The following CASD1 variants were observed in gnomAD, a reference collection of about 807,000 sequenced individuals.
CASD1 encodes the protein N-acetylneuraminate (7)9-O-acetyltransferase.
In CASD1, 41 loss-of-function variants were observed where a neutral mutation model predicts 100.0. That is an observed-to-expected ratio of 0.41 (90% confidence interval 0.32 to 0.53). CASD1 has a LOEUF of 0.53. CASD1 is among the 20% of genes least tolerant of loss of function. CASD1 has a pLI of 0.25. For missense variants in CASD1, 774 were observed against 948.7 expected (o/e 0.82, Z 2.42); for synonymous variants, 321 against 315.6 (o/e 1.02, Z -0.18).
chr7:94,614,106 TCA>T, the CASD1 span, among the ~76,000 whole-genome samples: 94 of 55,134 alleles, frequency 1.7e-3, 1 homozygote, highest in African/African-American at 2.3e-3. Flanking sequence ...CAAATTGAAA[TCA>T]AAAAAAAAAA....
the CASD1 span, chr7:94,598,535 C>T: frequency 6.3e-6 from 3 of 472,610 alleles, no homozygotes; most frequent in Non-Finnish European, 1.1e-5. Flanking sequence ...GTGTCAATTT[C>T]TTAAATATTA....
chr7:94,555,802 G>A lies in CASD1; in HGVS notation c.*44G>A. On this transcript the variant is annotated 3_prime_UTR_variant, in exon 18 of 18. Transcript: ENST00000297273. ...AACCTAAACTCTTCAGGCTACCTTT[G>A]TGTGTCTCTAGAAGAGAAAAGCATC... is the stretch of plus-strand genomic sequence containing the variant. 3 of 1,562,862 alleles carry A rather than the reference G, an allele frequency of 1.9e-6. No homozygotes were observed. The highest frequency in any genetic ancestry group is 1.4e-5 in the African/African-American group (1 of 73,162).
chr7:94,550,798 G>C (rs952997071), intron 14 of CASD1, among the ~76,000 whole-genome samples: 2 of 152,066 alleles, frequency 1.3e-5, no homozygotes, highest in Admixed American at 6.6e-5. Flanking sequence ...TTACGATTTT[G>C]AGTGGAAGGA....
the CASD1 span, among the ~76,000 whole-genome samples, chr7:94,581,578 G>A: frequency 6.6e-6 from 1 of 151,906 alleles, no homozygotes; most frequent in African/African-American, 2.4e-5. Context: ...CCCCCCATGT[G>A]TCCGTGTGTT....
chr7:94,518,094 A>G, intron 2 of CASD1, 109 bp from the exon 3 acceptor site: 1 of 1,067,878 alleles, frequency 9.4e-7, no homozygotes, highest in East Asian at 2.6e-5. Context: ...AAAGCAATAT[A>G]ATGGTATGTG....
the CASD1 span, among the ~76,000 whole-genome samples, chr7:94,613,292 T>C: frequency 6.6e-6 from 1 of 152,238 alleles, no homozygotes; most frequent in African/African-American, 2.4e-5. Flanking sequence ...ATAATAACTA[T>C]GCTACACATG....
At chr7:94,596,150 T>G in the CASD1 span, among the ~76,000 whole-genome samples, 13 of 152,134 alleles carry the variant, frequency 8.5e-5, no homozygotes, top group African/African-American at 3.1e-4. Flanking sequence ...TAGAGAGATC[T>G]GATCAACCTA....
At chr7:94,517,689 C>A in intron 2 of CASD1, 33 bp downstream of exon 2, 1 of 1,322,782 alleles carries the variant, frequency 7.6e-7, no homozygotes, top group Non-Finnish European at 1.1e-6. Context: ...TTTTCTTTTT[C>A]AGGATGGGTC....
In CASD1 at chr7:94,535,354, C is replaced by A; in HGVS notation, c.674C>A (p.Thr225Asn). The stretch of plus-strand genomic sequence containing the variant: ...TTAAGTGAAAATAGGAAGATGATCA[C>A]TAATGAGAAGATAGATGCTTACAAT... ...DLLSENRKMI[T>N]NEKIDAYNEA... Residue 225 changes from threonine to asparagine, a missense_variant, in exon 8 of 18, where the codon ACT (threonine) becomes AAT (asparagine). By Grantham distance (65) the Thr-to-Asn change is moderately conservative. Around this residue, in one of 5 missense-constraint regions of CASD1, gnomAD observed 453 missense variants for 532.6 expected, o/e 0.85. Coordinates refer to ENST00000297273, the MANE Select transcript of CASD1 (RefSeq NM_022900.5). 6.2e-7 allele frequency: 1 copy of A among 1,613,442 alleles called. No homozygotes were observed. The highest frequency in any genetic ancestry group is 8.5e-7 in the Non-Finnish European group (1 of 1,179,658).
the CASD1 span, among the ~76,000 whole-genome samples, chr7:94,581,735 A>C: frequency 6.6e-6 from 1 of 152,238 alleles, no homozygotes; most frequent in African/African-American, 2.4e-5. Flanking sequence ...ATAGTAGTCC[A>C]TGGTGTATAT....
chr7:94,629,728 G>A, the CASD1 span: 1 of 1,610,896 alleles, frequency 6.2e-7, no homozygotes, highest in Non-Finnish European at 8.5e-7. Context: ...CCAGGTTTTG[G>A]GTAAGGTGGA....
At chr7:94,592,953 A>G in the CASD1 span, among the ~76,000 whole-genome samples, 3 of 152,122 alleles carry the variant, frequency 2.0e-5, no homozygotes, top group African/African-American at 7.2e-5. Context: ...ATATTTTTGG[A>G]AAACAATGGC....
At chr7:94,605,451 C>T in the CASD1 span, among the ~76,000 whole-genome samples, 16 of 150,368 alleles carry the variant, frequency 1.1e-4, no homozygotes, top group East Asian at 2.9e-3. Flanking sequence ...CACCATATAT[C>T]CATAAATGTA....
At chr7:94,530,710 G>T (rs1794810364) in intron 5 of CASD1, among the ~76,000 whole-genome samples, 1 of 151,986 alleles carries the variant, frequency 6.6e-6, no homozygotes, top group African/African-American at 2.4e-5. Flanking sequence ...GGGTAGTCTT[G>T]GTATGGATTG....
chr7:94,523,456 A>G (rs1172135224), intron 3 of CASD1, among the ~76,000 whole-genome samples: 3 of 152,228 alleles, frequency 2.0e-5, no homozygotes, highest in Admixed American at 6.5e-5. Flanking sequence ...ACCGTGTGCA[A>G]TGGTAACGGC....
chr7:94,629,383 T>C, the CASD1 span: 1 of 237,586 alleles, frequency 4.2e-6, no homozygotes, highest in African/African-American at 2.3e-5. Flanking sequence ...TTTCCAAAAA[T>C]CAATGTACTA....
intron 10 of CASD1, among the ~76,000 whole-genome samples, chr7:94,539,689 A>G (rs893344974): frequency 2.6e-5 from 4 of 151,882 alleles, no homozygotes; most frequent in African/African-American, 9.7e-5. Flanking sequence ...AAAAAAGAAA[A>G]AAGGAAACTT....
the CASD1 span, chr7:94,625,527 C>G: frequency 6.6e-6 from 1 of 152,016 alleles, no homozygotes; most frequent in Non-Finnish European, 1.5e-5. Flanking sequence ...AGTAGTCATT[C>G]TGGATTTGGT....
intron 16 of CASD1, chr7:94,554,178 A>G (rs1018207317): frequency 8.3e-5 from 15 of 179,992 alleles, no homozygotes; most frequent in African/African-American, 3.5e-4. Flanking sequence ...TATGATAGCA[A>G]CTTTTTCTAC....
Sources: gnomAD v4.1 joint callset for allele counts (sites outside exome capture counted in the v4.1 genomes callset) on GRCh38, gnomAD v4.1.1 for gene constraint, gnomAD v4.1.1 regional missense constraint, MANE v1.5 for transcripts, NCBI Gene and HGNC (gene_info 2026-07-23, HGNC 2026-07-21) for gene names.